CCDC30: variants seen among roughly 807,000 people sequenced by gnomAD.
CCDC30 encodes the protein coiled-coil domain-containing protein 30.
CCDC30 carries 70 observed loss-of-function variants against 100.2 expected under a neutral mutation model. The observed-to-expected ratio is 0.70, with a 90% CI of 0.58 to 0.85. The LOEUF is 0.85. Ranked by LOEUF, CCDC30 falls within the 40% of genes least tolerant of loss-of-function variation. The pLI is 0.00. For synonymous variants in CCDC30, 233 were observed against 269.5 expected (o/e 0.86, Z 1.33); for missense variants, 652 against 771.2 (o/e 0.85, Z 1.83).
At chr1:42,489,678 G>A (rs962302515) in intron 3 of CCDC30, among the ~76,000 whole-genome samples, 2 of 152,122 alleles carry the variant, frequency 1.3e-5, no homozygotes, top group Non-Finnish European at 2.9e-5. Flanking sequence ...AAATATCACT[G>A]TGCCATCCTT....
chr1:42,630,176 T>C (rs1301041287), intron 11 of CCDC30, among the ~76,000 whole-genome samples: 1 of 151,832 alleles, frequency 6.6e-6, no homozygotes, highest in Non-Finnish European at 1.5e-5. Flanking sequence ...GGTTTCACCA[T>C]GTTGGCCAGG....
intron 11 of CCDC30, among the ~76,000 whole-genome samples, chr1:42,629,367 A>T (rs1337948459): frequency 6.6e-6 from 1 of 152,178 alleles, no homozygotes; most frequent in Admixed American, 6.5e-5. Context: ...GTGGCCTGTA[A>T]GGTTTCCACT....
At chr1:42,609,722 G>A (rs1646580000) in intron 10 of CCDC30, among the ~76,000 whole-genome samples, 1 of 152,268 alleles carries the variant, frequency 6.6e-6, no homozygotes, top group African/African-American at 2.4e-5. Context: ...TGGGCCTCGA[G>A]GACTATAGGC....
intron 5 of CCDC30, among the ~76,000 whole-genome samples, chr1:42,498,066 A>G (rs1425484857): frequency 6.6e-6 from 1 of 152,260 alleles, no homozygotes; most frequent in African/African-American, 2.4e-5. Flanking sequence ...AATGTGGTAT[A>G]GCCATACAAT....
At chr1:42,490,811 TTA>T (rs1644125877) in intron 4 of CCDC30, among the ~76,000 whole-genome samples, 1 of 152,194 alleles carries the variant, frequency 6.6e-6, no homozygotes, top group Admixed American at 6.6e-5. Context: ...ATTTGAATCT[TTA>T]TATGTCTGAC....
intron 11 of CCDC30, among the ~76,000 whole-genome samples, chr1:42,628,370 T>C (rs745594591): frequency 3.9e-5 from 6 of 152,156 alleles, no homozygotes; most frequent in Non-Finnish European, 8.8e-5. Context: ...CGATGACACT[T>C]TGAACTGTGG....
chr1:42,485,367 C>T (rs1041672019), intron 3 of CCDC30, among the ~76,000 whole-genome samples: 3 of 152,016 alleles, frequency 2.0e-5, no homozygotes, highest in African/African-American at 7.2e-5. Context: ...TCAAAACATA[C>T]CATCAGAAAG....
chr1:42,527,318 A>G (rs1476301942), intron 6 of CCDC30, among the ~76,000 whole-genome samples: 3 of 152,202 alleles, frequency 2.0e-5, no homozygotes, highest in Admixed American at 2.0e-4. Context: ...GATGTGATCA[A>G]GCAACTTTAG....
upstream of CCDC30, among the ~76,000 whole-genome samples, chr1:42,458,376 G>A (rs1043684503): frequency 6.6e-6 from 1 of 152,136 alleles, no homozygotes; most frequent in Non-Finnish European, 1.5e-5. Context: ...GGAGTTCTTA[G>A]TCATTTATTG....
chr1:42,529,409 T>A (rs558248944), intron 6 of CCDC30, among the ~76,000 whole-genome samples: 1 of 152,110 alleles, frequency 6.6e-6, no homozygotes, highest in South Asian at 2.1e-4. Flanking sequence ...AAGACAGAGG[T>A]TGCAGTGAGC....
chr1:42,501,593 C>T (rs1644313285), intron 6 of CCDC30, among the ~76,000 whole-genome samples: 1 of 151,848 alleles, frequency 6.6e-6, no homozygotes, highest in African/African-American at 2.4e-5. Flanking sequence ...GTTTTATCTA[C>T]CTTTGGTCTT....
intron 3 of CCDC30, among the ~76,000 whole-genome samples, chr1:42,485,675 G>A (rs1055777173): frequency 6.6e-6 from 1 of 152,024 alleles, no homozygotes; most frequent in African/African-American, 2.4e-5. Flanking sequence ...CAAAGGATTT[G>A]AAAAGACATT....
chr1:42,537,531 G>T, intron 6 of CCDC30: 1 of 332,754 alleles, frequency 3.0e-6, no homozygotes, highest in Non-Finnish European at 5.9e-6. Flanking sequence ...CAAGGCTTTG[G>T]GAAAATACCA....
intron 1 of CCDC30, chr1:42,473,331 A>G: frequency 2.6e-6 from 3 of 1,162,416 alleles, no homozygotes; most frequent in Non-Finnish European, 3.2e-6. Flanking sequence ...AGAATTTTAA[A>G]GACACCTGTG....
rs765417760 is a variant in CCDC30 at position 42,617,844 on chromosome 1, C to T, written c.1277+6754C>T. ...AACCATAATTTCTAATCTTGTGGCT[C>T]ATTTGTTAGTCCTGCAAAGGCAGTC... On this transcript the variant is annotated intron_variant, in intron 11 of 16. Coordinates refer to ENST00000668663, the Ensembl canonical transcript of CCDC30. 1.3e-3 allele frequency among the ~76,000 whole-genome samples: 193 copies of T among 152,144 alleles called. 1 individual carries two copies. Among genetic ancestry groups the T allele is most frequent in the Non-Finnish European group, 5.9e-4 (40 of 68,030 alleles).
chr1:42,522,635 A>G (rs1207416304), intron 6 of CCDC30, among the ~76,000 whole-genome samples: 1 of 152,228 alleles, frequency 6.6e-6, no homozygotes, highest in Non-Finnish European at 1.5e-5. Context: ...TACAGCCATC[A>G]CTATCCCTTT....
At chr1:42,480,188 A>G (rs761766033) in intron 1 of CCDC30, among the ~76,000 whole-genome samples, 1 of 152,128 alleles carries the variant, frequency 6.6e-6, no homozygotes, top group Non-Finnish European at 1.5e-5. Context: ...TTCATTTTCT[A>G]ATGTATATAG....
Position 42,615,422 on chromosome 1 carries a change from C to T in CCDC30, c.1277+4332C>T, listed in dbSNP as rs530079792. Among the ~76,000 whole-genome samples the T allele has an allele frequency of 3.9e-5, 6 of 152,164 alleles. No homozygotes were observed. The East Asian group carries it at 5.8e-4, about 15-fold the overall frequency. The stretch of plus-strand genomic sequence containing the variant: ...AAGCAATTCTCCTGCCTCAGCCTCC[C>T]GAGTAGCTGGGATTACAGGCGCACG... On this transcript the variant is annotated intron_variant, in intron 11 of 16. Transcript: ENST00000668663.
chr1:42,606,618 G>A (rs1367079674), intron 10 of CCDC30, among the ~76,000 whole-genome samples: 2 of 152,204 alleles, frequency 1.3e-5, no homozygotes, highest in Non-Finnish European at 2.9e-5. Context: ...CCTCTGGCCA[G>A]TAAATTTTGT....
Sources: allele counts gnomAD v4.1 joint callset (sites outside exome capture counted in the v4.1 genomes callset), GRCh38; gene constraint gnomAD v4.1.1; transcripts MANE v1.5; gene names NCBI Gene and HGNC (gene_info 2026-07-23, HGNC 2026-07-21).